The following NSF variants were observed in gnomAD, a reference collection of about 807,000 sequenced individuals.
NSF encodes the protein N-ethylmaleimide sensitive factor, vesicle fusing ATPase.
In NSF, 14 loss-of-function variants were observed where a neutral mutation model predicts 50.3. That is an observed-to-expected ratio of 0.28 (90% CI 0.18 to 0.44). NSF has a LOEUF of 0.44. Among genes scored for constraint, NSF ranks in the 20% least tolerant of loss-of-function variants. The pLI is 1.00. For missense variants in NSF, 218 were observed against 504.3 expected, an observed-to-expected ratio of 0.43 and a Z score of 5.44; for synonymous variants, 109 against 175.7, an observed-to-expected ratio of 0.62 and a Z score of 3.00.
At chr17:46,716,281 G>GA (rs1487179502) in intron 15 of NSF, among the ~76,000 whole-genome samples, 2 of 148,858 alleles carry the variant, frequency 1.3e-5, no homozygotes, top group Admixed American at 6.7e-5. Flanking sequence ...TTTTGAGATG[G>GA]AGTCTTGCTC....
intron 17 of NSF, among the ~76,000 whole-genome samples, chr17:46,738,789 A>G (rs1372549966): frequency 2.0e-5 from 3 of 152,228 alleles, no homozygotes; most frequent in African/African-American, 7.2e-5. Flanking sequence ...AGGATTCATG[A>G]GCTGTTCATA....
chr17:46,710,801 G>A (rs534747441), intron 13 of NSF, among the ~76,000 whole-genome samples, 162 bp from the exon 14 acceptor site: 2 of 152,212 alleles, frequency 1.3e-5, no homozygotes, highest in Non-Finnish European at 2.9e-5. Flanking sequence ...TGGGAAAAAA[G>A]TTAAATGAGA....
rs745772478 is a variant in NSF, at chr17:46,749,841, C to T, written c.1977C>T (p.Asn659=). The T allele has an allele frequency of 1.9e-6, 3 of 1,614,152 alleles. No homozygotes were observed. The highest frequency in any genetic ancestry group is 1.1e-5 in the South Asian group (1 of 91,082). The change falls in exon 18 of 21, where the codon AAC becomes AAT. Residue 659 remains asparagine (N), a synonymous_variant. Transcript: ENST00000398238. ...TCCTTCAGGAGATGGAAATGCTTAA[C>T]GCTTTCAGCACCACCATCCACGTGC... ...KDVLQEMEML[N]AFSTTIHVPN... is the part of the protein sequence containing the mutation.
chr17:46,605,481 A>G (rs1302377524), intron 1 of NSF, among the ~76,000 whole-genome samples: 3 of 149,982 alleles, frequency 2.0e-5, no homozygotes, highest in African/African-American at 4.9e-5. Context: ...GAGAAAAAAG[A>G]TATTACCTTC....
chr17:46,737,004 A>G (rs1038466240), intron 17 of NSF, among the ~76,000 whole-genome samples: 11 of 152,220 alleles, frequency 7.2e-5, no homozygotes, highest in African/African-American at 2.7e-4. Context: ...TTGAAAGGAG[A>G]TCGGAAGTTT....
intron 15 of NSF, among the ~76,000 whole-genome samples, chr17:46,716,107 T>C (rs2058766019): frequency 6.6e-6 from 1 of 152,174 alleles, no homozygotes; most frequent in Non-Finnish European, 1.5e-5. Context: ...GCAAATAGTT[T>C]TCACATTGTT....
chr17:46,676,589 A>G (rs2058411700), intron 9 of NSF, among the ~76,000 whole-genome samples: 1 of 142,156 alleles, frequency 7.0e-6, no homozygotes, highest in African/African-American at 2.8e-5. Flanking sequence ...ATTTGAATGA[A>G]TGTATGCTAC....
chr17:46,714,099 C>G lies in NSF; in HGVS notation c.1761+113C>G, dbSNP rs189889213. On this transcript the variant is annotated intron_variant, in intron 15 of 20. Transcript: ENST00000398238. ...ATAAACCCATAGCAACTATGTTCTT[C>G]TCAAGTGGAACCAAATTATCAGCAG... is the stretch of plus-strand genomic sequence containing the variant. The G allele has an allele frequency of 9.4e-5, 110 of 1,174,010 alleles. No homozygotes were observed. In the Admixed American group the frequency reaches 1.4e-3, roughly 15 times the overall value. 72.7% of individuals were successfully genotyped at this position (1,174,010 alleles called of 1,614,324 possible).
chr17:46,730,475 G>A (rs752203597), intron 17 of NSF, among the ~76,000 whole-genome samples: 29 of 152,076 alleles, frequency 1.9e-4, no homozygotes, highest in Non-Finnish European at 7.4e-5. Context: ...ATCCAAAGTA[G>A]ATACTAACAG....
At chr17:46,609,893 A>C (rs2057992165) in intron 1 of NSF, among the ~76,000 whole-genome samples, 1 of 140,002 alleles carries the variant, frequency 7.1e-6, no homozygotes, top group Admixed American at 7.4e-5. Flanking sequence ...TGGCGTGATC[A>C]GGGCTCCCTG....
chr17:46,601,594 G>C (rs2057910529), intron 1 of NSF, among the ~76,000 whole-genome samples: 1 of 143,724 alleles, frequency 7.0e-6, no homozygotes, highest in South Asian at 2.2e-4. Context: ...TGTATAACCA[G>C]TTGTCTCAAT....
chr17:46,725,226 G>A (rs2058875854), intron 15 of NSF, among the ~76,000 whole-genome samples: 1 of 152,188 alleles, frequency 6.6e-6, no homozygotes, highest in Non-Finnish European at 1.5e-5. Flanking sequence ...TGAACCTACA[G>A]AGCAGACATC....
rs889006124 is a variant in NSF, at chr17:46,719,136, G to T, written c.1761+5150G>T. ...TGGATAAGCAGAAGGTTGGCATTTA[G>T]TTATTTCTTTAGCTACATTTCAATG... On this transcript the variant is annotated intron_variant, in intron 15 of 20. Coordinates refer to ENST00000398238, the MANE Select transcript of NSF (RefSeq NM_006178.4). The surrounding 1 kb of genome is among the most constrained non-coding windows in gnomAD (Gnocchi z 4.3). 6.6e-6 allele frequency among the ~76,000 whole-genome samples: 1 copy of T among 152,146 alleles called. No homozygotes were observed. The highest frequency in any genetic ancestry group is 1.5e-5 in the Non-Finnish European group (1 of 68,018).
At chr17:46,723,417 G>A (rs887026553) in intron 15 of NSF, among the ~76,000 whole-genome samples, 16 of 152,204 alleles carry the variant, frequency 1.1e-4, no homozygotes, top group African/African-American at 3.6e-4. Flanking sequence ...AAAAAAAGTA[G>A]CAAAGAACCG....
intron 17 of NSF, among the ~76,000 whole-genome samples, chr17:46,735,580 C>A (rs1023451371): frequency 6.6e-6 from 1 of 151,972 alleles, no homozygotes. Flanking sequence ...AGAGATAATT[C>A]CTCATGTGTT....
intron 15 of NSF, among the ~76,000 whole-genome samples, chr17:46,720,360 G>A (rs2058817855): frequency 6.6e-6 from 1 of 152,132 alleles, no homozygotes; most frequent in Non-Finnish European, 1.5e-5. Context: ...AGAACTTTCA[G>A]ACCTTGTGAC....
intron 9 of NSF, among the ~76,000 whole-genome samples, chr17:46,691,877 A>T (rs1285394443): frequency 2.0e-5 from 3 of 150,898 alleles, no homozygotes; most frequent in African/African-American, 7.4e-5. Context: ...CTCAGCCTCC[A>T]GAGTAGCTGG....
intron 15 of NSF, among the ~76,000 whole-genome samples, chr17:46,723,861 A>G (rs1320132999): frequency 6.6e-6 from 1 of 152,210 alleles, no homozygotes. Flanking sequence ...ACAATCAGGA[A>G]AATGTTTCTA....
chr17:46,731,606 G>C (rs980753720), intron 17 of NSF, among the ~76,000 whole-genome samples: 1 of 152,150 alleles, frequency 6.6e-6, no homozygotes, highest in East Asian at 1.9e-4. Context: ...ACGTGGCCCA[G>C]CTTGGGAGAA....
Sources: gnomAD v4.1 joint callset for allele counts (sites outside exome capture counted in the v4.1 genomes callset) on GRCh38, gnomAD v4.1.1 for gene constraint, Gnocchi (gnomAD v3.1) non-coding constraint, MANE v1.5 for transcripts, NCBI Gene and HGNC (gene_info 2026-07-23, HGNC 2026-07-21) for gene names.